Variants in SSBP2 observed in about 807,000 individuals in gnomAD.
SSBP2 encodes single stranded DNA binding protein 2.
SSBP2 carries 17 observed loss-of-function variants against 61.8 expected under a neutral mutation model. The observed-to-expected ratio is 0.28, with a 90% CI of 0.19 to 0.41. The LOEUF (loss-of-function observed/expected upper bound fraction) is 0.41, where lower values mean the gene tolerates loss of function less well. Among genes scored for constraint, SSBP2 ranks in the 10% least tolerant of loss-of-function variants. The probability of loss-of-function intolerance (pLI) is 1.00; values close to 1 mark genes in which losing one functional copy is unlikely to be tolerated. For missense variants in SSBP2, 310 were observed against 458.7 expected, an observed-to-expected ratio of 0.68 and a Z score of 2.96; for synonymous variants, 139 against 141.3, an observed-to-expected ratio of 0.98 and a Z score of 0.12.
At chr5:81,527,326 T>C (rs139884291) in intron 4 of SSBP2, among the ~76,000 whole-genome samples, 103 of 152,098 alleles carry the variant, frequency 6.8e-4, no homozygotes, top group African/African-American at 2.4e-3. Flanking sequence ...ACTTGGGCAG[T>C]GGTGGAGAAG....
At chr5:81,483,600 T>C (rs1202712237) in intron 6 of SSBP2, among the ~76,000 whole-genome samples, 2 of 152,190 alleles carry the variant, frequency 1.3e-5, no homozygotes, top group Admixed American at 6.5e-5. Flanking sequence ...CTCAAAGTTA[T>C]ACATTGCTGG....
In SSBP2 at chr5:81,570,589, A is replaced by T. The variant is rs767229632; in HGVS notation, c.282+44884T>A. 5.9e-5 allele frequency among the ~76,000 whole-genome samples: 9 copies of T among 152,330 alleles called. No individual in the cohort carries two copies. The Middle Eastern group carries it at 0.01, about 173-fold the overall frequency. On this transcript the variant is annotated intron_variant, in intron 4 of 16. Transcript: ENST00000320672. ...TTCAAGGTAAGCACATCATTCCTCC[A>T]ACAGGGGCGTCTGCCTGAGGAAGCA... is the stretch of plus-strand genomic sequence containing the variant.
chr5:81,505,654 T>A (rs1156629539), intron 5 of SSBP2, among the ~76,000 whole-genome samples: 1 of 152,186 alleles, frequency 6.6e-6, no homozygotes, highest in Non-Finnish European at 1.5e-5. Flanking sequence ...AATAATATTT[T>A]CAAAAGAAAA....
chr5:81,493,251 C>CAGATAGATAGATAGACAGAT (rs371932100), intron 5 of SSBP2, among the ~76,000 whole-genome samples: 5 of 145,520 alleles, frequency 3.4e-5, no homozygotes, highest in African/African-American at 1.0e-4. Context: ...ATGAACAAAA[C>CAGATAGATAGATAGACAGAT]AGATAGATAG....
intron 1 of SSBP2, among the ~76,000 whole-genome samples, chr5:81,684,630 G>A (rs1013569903): frequency 6.6e-6 from 1 of 152,132 alleles, no homozygotes; most frequent in Non-Finnish European, 1.5e-5. Flanking sequence ...CATGCATGGG[G>A]CCTATAGTCC....
chr5:81,455,426 T>C (rs1764072037), intron 10 of SSBP2, among the ~76,000 whole-genome samples: 1 of 104,600 alleles, frequency 9.6e-6, no homozygotes, highest in Admixed American at 8.5e-5. Flanking sequence ...GAGACCATCC[T>C]GGCTAACAAG....
chr5:81,428,804 T>C, intron 15 of SSBP2, 121 bp from the exon 16 acceptor site: 2 of 635,948 alleles, frequency 3.1e-6, no homozygotes, highest in East Asian at 2.8e-5. Flanking sequence ...ATTTTAATCT[T>C]AGACTTCTAC....
rs755033308 is a variant in SSBP2 at position 81,440,656 on chromosome 5, A to T, written c.850-20T>A. The T allele has an allele frequency of 1.0e-5, 16 of 1,529,236 alleles. No individual in the cohort carries two copies. The highest frequency in any genetic ancestry group is 1.4e-5 in the Non-Finnish European group (16 of 1,119,666). 94.7% of individuals were successfully genotyped at this position (1,529,236 alleles called of 1,614,324 possible). ...TGGAAACTATTTTAAAAATGAAGAA[A>T]ATCACTGTAATCATACTGAAAACAA... is the stretch of plus-strand genomic sequence containing the variant. On this transcript the variant is annotated intron_variant, in intron 13 of 16. Transcript: ENST00000320672.
Position 81,417,654 on chromosome 5 carries a change from A to C in SSBP2, c.*2850T>G, listed in dbSNP as rs1761368013. 1 of 152,238 alleles carries C rather than the reference A, an allele frequency of 6.6e-6. No individual in the cohort carries two copies. Among genetic ancestry groups the C allele is most frequent in the Non-Finnish European group, 1.5e-5 (1 of 68,032 alleles). The allele number at this position is 152,238 out of a possible 1,614,324, so 9.4% of individuals were successfully genotyped here. ...AAAAAGGATAAGGGTTAAATGATTC[A>C]AAATCTAAACAAAAATTAATATACA... On this transcript the variant is annotated 3_prime_UTR_variant, in exon 17 of 17. Transcript: ENST00000320672.
chr5:81,439,590 C>T (rs1035550120), intron 14 of SSBP2, among the ~76,000 whole-genome samples: 3 of 150,876 alleles, frequency 2.0e-5, no homozygotes, highest in African/African-American at 7.3e-5. Flanking sequence ...CACCCTCTGA[C>T]TCCTGGGTTC....
At chr5:81,675,253 A>C (rs1239839151) in intron 1 of SSBP2, among the ~76,000 whole-genome samples, 1 of 152,204 alleles carries the variant, frequency 6.6e-6, no homozygotes, top group African/African-American at 2.4e-5. Context: ...TTAGCTAGAC[A>C]CATTGTTCCC....
intron 8 of SSBP2, 72 bp from the exon 9 acceptor site, chr5:81,467,137 A>G (rs949048551): frequency 4.3e-6 from 4 of 933,406 alleles, no homozygotes; most frequent in Admixed American, 2.0e-5. Flanking sequence ...TGATTTCCCT[A>G]CATAACTCCA....
intron 4 of SSBP2, among the ~76,000 whole-genome samples, chr5:81,606,431 T>C (rs1031696810): frequency 9.9e-5 from 15 of 152,154 alleles, no homozygotes; most frequent in Non-Finnish European, 8.8e-5. Context: ...CTACCAGACC[T>C]AGCAGTGGTG....
intron 1 of SSBP2, among the ~76,000 whole-genome samples, chr5:81,695,317 A>C (rs1753521071): frequency 6.6e-6 from 1 of 152,180 alleles, no homozygotes. Context: ...CGCACCAAAA[A>C]GTGATTAAGA....
chr5:81,422,261 T>TGA, intron 16 of SSBP2, among the ~76,000 whole-genome samples: 1 of 152,186 alleles, frequency 6.6e-6, no homozygotes, highest in Middle Eastern at 3.4e-3. Flanking sequence ...ATAGACAAGC[T>TGA]GAGACCGGCT....
chr5:81,750,635 A>C, intron 1 of SSBP2: 1 of 165,892 alleles, frequency 6.0e-6, no homozygotes, highest in Non-Finnish European at 1.2e-5. Context: ...AGGTCCCCGG[A>C]GCCCCGGACC....
intron 1 of SSBP2, 159 bp downstream of exon 1, chr5:81,750,822 C>T (rs1484424952): frequency 1.2e-6 from 1 of 827,956 alleles, no homozygotes; most frequent in African/African-American, 1.7e-5. Context: ...AAGCGCAGCT[C>T]CCCGCACCAC....
At chr5:81,729,428 T>C (rs1756108304) in intron 1 of SSBP2, among the ~76,000 whole-genome samples, 1 of 151,984 alleles carries the variant, frequency 6.6e-6, no homozygotes, top group Non-Finnish European at 1.5e-5. Context: ...CACAGCAAAA[T>C]GGGTAGGTCT....
intron 16 of SSBP2, among the ~76,000 whole-genome samples, chr5:81,421,021 T>C (rs1350237644): frequency 1.3e-5 from 2 of 152,186 alleles, no homozygotes; most frequent in Non-Finnish European, 2.9e-5. Context: ...AAACCATGTA[T>C]TTATTGAATA....
Sources: gnomAD v4.1 joint callset for allele counts (sites outside exome capture counted in the v4.1 genomes callset) on GRCh38, gnomAD v4.1.1 for gene constraint, MANE v1.5 for transcripts, NCBI Gene and HGNC (gene_info 2026-07-23, HGNC 2026-07-21) for gene names.